TEX15: variants seen among roughly 807,000 people sequenced by gnomAD.
TEX15 encodes the protein testis expressed 15, meiosis and synapsis associated.
Under a neutral mutation model 237.3 loss-of-function variants are expected in TEX15, and 171 were observed. The observed-to-expected ratio is 0.72, with a 90% CI of 0.64 to 0.82. The LOEUF (loss-of-function observed/expected upper bound fraction) is 0.82. Among genes scored for constraint, TEX15 ranks in the 40% least tolerant of loss-of-function variants. TEX15 has a pLI of 0.00. For missense variants in TEX15, 3,750 were observed against 3,646.5 expected (o/e 1.03, Z -0.73); for synonymous variants, 1,338 against 1,269.8 (o/e 1.05, Z -1.14).
chr8:30,888,087 T>C (rs1808701783), intron 2 of TEX15, among the ~76,000 whole-genome samples: 1 of 151,482 alleles, frequency 6.6e-6, no homozygotes, highest in South Asian at 2.1e-4. Flanking sequence ...TTTTTTTTTC[T>C]TTCTTTCTTT....
chr8:30,892,697 T>C (rs1442679124), intron 2 of TEX15, among the ~76,000 whole-genome samples: 1 of 152,176 alleles, frequency 6.6e-6, no homozygotes, highest in East Asian at 1.9e-4. Flanking sequence ...TACGTTACTA[T>C]ATATGGTATC....
intron 2 of TEX15, among the ~76,000 whole-genome samples, chr8:30,893,248 C>T (rs1808831482): frequency 6.6e-6 from 1 of 152,148 alleles, no homozygotes; most frequent in East Asian, 1.9e-4. Flanking sequence ...CTAGGAAGGG[C>T]AGAATCTGGA....
At position 30,848,073 on chromosome 8, in the gene TEX15, T is replaced by C. The variant is rs748012171; in HGVS notation, c.2094A>G (p.Ile698Met). 94 of 1,612,884 alleles carry C rather than the reference T, an allele frequency of 5.8e-5. No homozygotes were observed. The Admixed American group carries it at 1.5e-3, about 25-fold the overall frequency. Reference protein sequence around the residue: ...LEITKSSTSTIKDKDELDHLA... With the variant: ...LEITKSSTSTMKDKDELDHLA... ...GATGATCTAGTTCATCCTTATCCTT[T>C]ATGGTAGATGTAGAAGATTTTGTTA... Residue 698 changes from isoleucine (I) to methionine (M), a missense_variant, in exon 8 of 11, where the codon ATA becomes ATG. Ile to Met is a conservative substitution (Grantham distance 10). Coordinates refer to ENST00000643185, the MANE Select transcript of TEX15 (RefSeq NM_001350162.2).
intron 10 of TEX15, 47 bp from the exon 11 acceptor site, chr8:30,833,370 A>G: frequency 7.3e-7 from 1 of 1,363,506 alleles, no homozygotes; most frequent in African/African-American, 1.5e-5. Flanking sequence ...ATTTAGACTA[A>G]TGGTACATGA....
intron 4 of TEX15, among the ~76,000 whole-genome samples, chr8:30,868,965 C>T (rs867856544): frequency 6.7e-6 from 1 of 150,200 alleles, no homozygotes; most frequent in African/African-American, 2.5e-5. Context: ...AAATCTAATC[C>T]GGGGCTCAAA....
rs1808373069 is a variant in TEX15 at position 30,875,041 on chromosome 8, G to C, written c.198C>G (p.Asn66Lys). Residue 66 changes from asparagine to lysine, a missense_variant, in exon 4 of 11, where the codon AAC becomes AAG. By Grantham distance (94) the Asn-to-Lys change is moderately conservative. Coordinates refer to ENST00000643185, the MANE Select transcript of TEX15 (RefSeq NM_001350162.2). ...REYSFIHDTLNQCRLDVNCDL... is the reference protein window; with the variant it reads ...REYSFIHDTLKQCRLDVNCDL... ...CACAGTTTACATCAAGCCTGCACTGGTTAAGAGTATCATGTATAAAACTAT... is the reference window on the plus strand; with the variant it reads ...CACAGTTTACATCAAGCCTGCACTGCTTAAGAGTATCATGTATAAAACTAT... 7.4e-7 allele frequency: 1 copy of C among 1,349,816 alleles called. No individual in the cohort carries two copies. The highest frequency in any genetic ancestry group is 9.5e-7 in the Non-Finnish European group (1 of 1,047,852). 83.6% of individuals were successfully genotyped at this position (1,349,816 alleles called of 1,614,324 possible).
At chr8:30,911,601 T>C (rs1358137395) in intron 1 of TEX15, among the ~76,000 whole-genome samples, 1 of 152,214 alleles carries the variant, frequency 6.6e-6, no homozygotes, top group African/African-American at 2.4e-5. Context: ...AAGCAATCAG[T>C]GCACTTAGGG....
intron 3 of TEX15, among the ~76,000 whole-genome samples, chr8:30,886,345 G>C (rs1808644917): frequency 6.6e-6 from 1 of 152,180 alleles, no homozygotes; most frequent in South Asian, 2.1e-4. Flanking sequence ...CCACTGCAAA[G>C]GGCTGGAAGG....
At position 30,838,004 on chromosome 8, in the gene TEX15, A is replaced by G. The variant is rs1263049333; in HGVS notation, c.8280T>C (p.Ser2760=). 2.5e-6 allele frequency: 4 copies of G among 1,613,996 alleles called. No homozygotes were observed. Among genetic ancestry groups the G allele is most frequent in the Non-Finnish European group, 3.4e-6 (4 of 1,179,978 alleles). The change falls in exon 10 of 11, where the codon AGT becomes AGC. Residue 2760 remains serine (S), a synonymous_variant. Coordinates refer to ENST00000643185, the MANE Select transcript of TEX15 (RefSeq NM_001350162.2). ...TTGGCGTTAAATGATTTCTTTTCAG[A>G]CTGTCACATGAACTTGGTACTATTT... ...ENKIVPSSCD[S]LKRNHLTPKK... is the part of the protein sequence containing the mutation.
intron 2 of TEX15, among the ~76,000 whole-genome samples, chr8:30,889,938 T>TATATATACATATATATATATAC (rs1554502292): frequency 6.2e-5 from 8 of 128,132 alleles, no homozygotes; most frequent in African/African-American, 2.5e-4. Flanking sequence ...TATATACATA[T>TATATATACATATATATATATAC]ATATATATAT....
At chr8:30,835,119 T>TA (rs1175556612) in intron 10 of TEX15, among the ~76,000 whole-genome samples, 1 of 148,130 alleles carries the variant, frequency 6.8e-6, no homozygotes, top group African/African-American at 2.6e-5. Flanking sequence ...TATATATATA[T>TA]TTTTTGGGAC....
chr8:30,852,918 G>A (rs1807819573), intron 7 of TEX15, among the ~76,000 whole-genome samples: 1 of 152,086 alleles, frequency 6.6e-6, no homozygotes, highest in Non-Finnish European at 1.5e-5. Flanking sequence ...CTGACAAATT[G>A]AATTTATAAT....
Position 30,848,191 on chromosome 8 carries a change from T to G in TEX15, c.1976A>C (p.Tyr659Ser). The change falls in exon 8 of 11, where the codon TAC (tyrosine) becomes TCC (serine). Residue 659 changes from tyrosine to serine, a missense_variant. Coordinates refer to ENST00000643185, the MANE Select transcript of TEX15 (RefSeq NM_001350162.2). Reference sequence around the variant, plus strand: ...TTTGTATTCTTGGTGCAAAACAATGTAATTATCTATTGGACTGATTTTTGT... The same window carrying G: ...TTTGTATTCTTGGTGCAAAACAATGGAATTATCTATTGGACTGATTTTTGT... ...NETKISPIDN[Y>S]IVLHQEYKES... The G allele has an allele frequency of 6.2e-7, 1 of 1,611,810 alleles. No individual in the cohort carries two copies. Among genetic ancestry groups the G allele is most frequent in the Non-Finnish European group, 8.5e-7 (1 of 1,179,600 alleles).
chr8:30,890,957 C>T (rs1359293978), intron 2 of TEX15, among the ~76,000 whole-genome samples: 2 of 152,154 alleles, frequency 1.3e-5, no homozygotes, highest in South Asian at 2.1e-4. Flanking sequence ...ACTCCATATA[C>T]AAATAAATTA....
chr8:30,864,743 AC>A (rs916243827), intron 5 of TEX15, among the ~76,000 whole-genome samples: 7 of 152,122 alleles, frequency 4.6e-5, no homozygotes, highest in Admixed American at 4.6e-4. Context: ...TGGTGTATAA[AC>A]CATCTTTTTT....
At chr8:30,871,753 C>A (rs1808296479) in intron 4 of TEX15, among the ~76,000 whole-genome samples, 1 of 152,118 alleles carries the variant, frequency 6.6e-6, no homozygotes, top group Non-Finnish European at 1.5e-5. Flanking sequence ...CAAAGTCTCA[C>A]TGAATTACTA....
At chr8:30,856,060 C>T (rs1306033721) in intron 7 of TEX15, among the ~76,000 whole-genome samples, 1 of 152,054 alleles carries the variant, frequency 6.6e-6, no homozygotes, top group Non-Finnish European at 1.5e-5. Context: ...ATTCTCCTGC[C>T]TCAGCCTCCC....
At chr8:30,907,918 A>C (rs1475369712) in intron 1 of TEX15, among the ~76,000 whole-genome samples, 2 of 151,714 alleles carry the variant, frequency 1.3e-5, no homozygotes, top group African/African-American at 4.8e-5. Flanking sequence ...TGGGCAACAG[A>C]GTCAGACTCT....
intron 4 of TEX15, among the ~76,000 whole-genome samples, chr8:30,872,692 G>C (rs1221646120): frequency 6.6e-6 from 1 of 151,954 alleles, no homozygotes; most frequent in Non-Finnish European, 1.5e-5. Context: ...ACCCTGTGTA[G>C]CTTTAGGCTT....
Sources: allele counts gnomAD v4.1 joint callset (sites outside exome capture counted in the v4.1 genomes callset), GRCh38; gene constraint gnomAD v4.1.1; transcripts MANE v1.5; gene names NCBI Gene and HGNC (gene_info 2026-07-23, HGNC 2026-07-21).